CYSLTR2: variants seen among roughly 807,000 people sequenced by gnomAD.
CYSLTR2 encodes cysteinyl leukotriene receptor 2.
For synonymous variants in CYSLTR2, 179 were observed against 160.8 expected, an observed-to-expected ratio of 1.11 and a Z score of -0.86; for missense variants, 398 against 411.9, an observed-to-expected ratio of 0.97 and a Z score of 0.29.
rs758636935 is a variant in CYSLTR2 at position 48,710,495 on chromosome 13, A to G, written c.*2637A>G. 5.3e-5 allele frequency: 8 copies of G among 152,236 alleles called. No homozygotes were observed. The highest frequency in any genetic ancestry group is 1.0e-4 in the Non-Finnish European group (7 of 68,032). The allele number at this position is 152,236 out of a possible 1,614,324, so 9.4% of individuals were successfully genotyped here. A position where few individuals can be genotyped will look rare whatever the true frequency, so the allele number is the denominator to read the frequency against. On this transcript the variant is annotated 3_prime_UTR_variant, in exon 5 of 5. Transcript: ENST00000682523. ...AGCATAAGAGTAGTGATGCTGGCAA[A>G]TAAGATACACCAAAGAGAAGCTGTA... is the stretch of plus-strand genomic sequence containing the variant.
intron 1 of CYSLTR2, among the ~76,000 whole-genome samples, chr13:48,670,723 C>T (rs529737862): frequency 6.6e-6 from 1 of 152,152 alleles, no homozygotes; most frequent in Non-Finnish European, 1.5e-5. Context: ...ATGCCTCCAG[C>T]TTTGTTCTTT....
rs116932219 is a variant in CYSLTR2, at chr13:48,707,125, A to G, written c.308A>G (p.Asn103Ser). The G allele has an allele frequency of 6.3e-3, 10,198 of 1,614,190 alleles. 50 individuals carry two copies. The highest frequency in any genetic ancestry group is 0.016 in the Middle Eastern group (99 of 6,062). Reference sequence around the variant, plus strand: ...GCTGACTATTATCTTAGAGGCTCCAATTGGATATTTGGAGACCTGGCCTGC... The same window carrying G: ...GCTGACTATTATCTTAGAGGCTCCAGTTGGATATTTGGAGACCTGGCCTGC... ...FRADYYLRGS[N>S]WIFGDLACRI... Residue 103 changes from asparagine (N) to serine (S), a missense_variant, in exon 5 of 5, where the codon AAT becomes AGT. Transcript: ENST00000682523.
chr13:48,678,041 C>T (rs1481112898), intron 1 of CYSLTR2, among the ~76,000 whole-genome samples: 1 of 151,912 alleles, frequency 6.6e-6, no homozygotes, highest in East Asian at 1.9e-4. Context: ...TTCTCCATAC[C>T]AAGGAATTGG....
In CYSLTR2 at chr13:48,676,482, T is replaced by C. The variant is rs146892820; in HGVS notation, c.-265-14730T>C. Among the ~76,000 whole-genome samples, 741 of 152,258 alleles carry C rather than the reference T, an allele frequency of 4.9e-3. 3 individuals carry two copies. Among genetic ancestry groups the C allele is most frequent in the Middle Eastern group, 0.014 (4 of 294 alleles). On this transcript the variant is annotated intron_variant, in intron 1 of 4. Transcript: ENST00000682523. ...GGTTTCTAGGCATCAGCTAACAAAG[T>C]CTGAGGTTAGGAAAGTGATATTGTA...
intron 1 of CYSLTR2, among the ~76,000 whole-genome samples, chr13:48,666,138 CCTCTT>C (rs1390063995): frequency 6.6e-6 from 1 of 152,072 alleles, no homozygotes; most frequent in Non-Finnish European, 1.5e-5. Flanking sequence ...GATTTTATCT[CCTCTT>C]CATTTCGGAA....
chr13:48,686,930 G>A (rs78149855), intron 1 of CYSLTR2, among the ~76,000 whole-genome samples: 14,228 of 152,238 alleles, frequency 0.093, 762 homozygotes, highest in Middle Eastern at 0.17. Context: ...GTCTGTGAGG[G>A]TGTTTCCAGA....
intron 1 of CYSLTR2, among the ~76,000 whole-genome samples, chr13:48,676,452 G>A (rs1953598704): frequency 6.6e-6 from 1 of 152,200 alleles, no homozygotes; most frequent in Admixed American, 6.5e-5. Context: ...AACAGATGAT[G>A]CTATGGTTTC....
chr13:48,683,411 TA>T (rs1427515049), intron 1 of CYSLTR2, among the ~76,000 whole-genome samples: 1 of 152,234 alleles, frequency 6.6e-6, no homozygotes, highest in African/African-American at 2.4e-5. Context: ...GACTTTTTAA[TA>T]ATAGCCATTC....
At chr13:48,706,647 G>A (rs1954495954) in intron 4 of CYSLTR2, 170 bp from the exon 5 acceptor site, 1 of 579,010 alleles carries the variant, frequency 1.7e-6, no homozygotes, top group East Asian at 2.8e-5. Flanking sequence ...ATTATGAAAT[G>A]TAATGCAGCA....
At chr13:48,703,429 T>C (rs1350814708) in intron 4 of CYSLTR2, among the ~76,000 whole-genome samples, 4 of 152,216 alleles carry the variant, frequency 2.6e-5, no homozygotes, top group African/African-American at 9.6e-5. Context: ...TCTTTTACTA[T>C]GAAGTATAAT....
chr13:48,701,116 G>T (rs888835891), intron 4 of CYSLTR2, among the ~76,000 whole-genome samples: 20 of 152,158 alleles, frequency 1.3e-4, no homozygotes, highest in Non-Finnish European at 2.6e-4. Context: ...TTTCTTCACA[G>T]AATTGGAAAA....
chr13:48,707,344 G>C lies in CYSLTR2; in HGVS notation c.527G>C (p.Ser176Thr), dbSNP rs200258998. ...IMASSIMLLDSGSEQNGSVTS... is the reference protein window; with the variant it reads ...IMASSIMLLDTGSEQNGSVTS... ...GCTTCCTCAATAATGCTCCTGGACA[G>C]TGGCTCTGAGCAGAACGGCAGTGTC... Residue 176 changes from serine to threonine, a missense_variant, in exon 5 of 5, where the codon AGT becomes ACT. By Grantham distance (58) the Ser-to-Thr change is moderately conservative. Coordinates refer to ENST00000682523, the MANE Select transcript of CYSLTR2 (RefSeq NM_001308476.3). 14 of 1,614,112 alleles carry C rather than the reference G, an allele frequency of 8.7e-6. No homozygotes were observed. Among genetic ancestry groups the C allele is most frequent in the East Asian group, 2.2e-5 (1 of 44,880 alleles).
chr13:48,663,238 C>G (rs1206329754), intron 1 of CYSLTR2, among the ~76,000 whole-genome samples: 1 of 152,084 alleles, frequency 6.6e-6, no homozygotes, highest in African/African-American at 2.4e-5. Context: ...ATTTTGGTTA[C>G]TATAACTCTG....
chr13:48,708,199 A>T lies in CYSLTR2; in HGVS notation c.*341A>T, dbSNP rs1468321370. ...GCTTTCTAAATTCTTCAAAAGAGCCACAACTTCCCCAGCTTCTCCAGCTCC... is the reference window on the plus strand; with the variant it reads ...GCTTTCTAAATTCTTCAAAAGAGCCTCAACTTCCCCAGCTTCTCCAGCTCC... On this transcript the variant is annotated 3_prime_UTR_variant, in exon 5 of 5. Coordinates refer to ENST00000682523, the MANE Select transcript of CYSLTR2 (RefSeq NM_001308476.3). 1 of 193,966 alleles carries T rather than the reference A, an allele frequency of 5.2e-6. No individual in the cohort carries two copies. The highest frequency in any genetic ancestry group is 1.2e-5 in the Non-Finnish European group (1 of 85,584). The allele number at this position is 193,966 out of a possible 1,614,324, so 12.0% of individuals were successfully genotyped here.
intron 4 of CYSLTR2, among the ~76,000 whole-genome samples, chr13:48,700,994 A>G (rs927907180): frequency 3.8e-4 from 58 of 152,354 alleles, no homozygotes; most frequent in African/African-American, 9.1e-4. Context: ...CCACTGCTCA[A>G]TGAAATAAAA....
chr13:48,706,554 C>A lies in CYSLTR2; in HGVS notation c.-1-263C>A, dbSNP rs1158402576. 4.6e-5 allele frequency: 18 copies of A among 392,024 alleles called. No homozygotes were observed. In the East Asian group the frequency reaches 6.8e-4, roughly 15 times the overall value. 24.3% of individuals were successfully genotyped at this position (392,024 alleles called of 1,614,324 possible). A position where few individuals can be genotyped will look rare whatever the true frequency, so the allele number is the denominator to read the frequency against. ...TCATGTCAACAGGGTCAGTAGGTCA[C>A]AAGTTCTCTAAGTTTGAAGCGTCAG... On this transcript the variant is annotated intron_variant, in intron 4 of 4. Coordinates refer to ENST00000682523, the MANE Select transcript of CYSLTR2 (RefSeq NM_001308476.3).
At chr13:48,687,420 T>A (rs1242418280) in intron 1 of CYSLTR2, among the ~76,000 whole-genome samples, 1 of 152,162 alleles carries the variant, frequency 6.6e-6, no homozygotes, top group Non-Finnish European at 1.5e-5. Flanking sequence ...CATCTATCAA[T>A]CATCTATGTA....
intron 2 of CYSLTR2, among the ~76,000 whole-genome samples, chr13:48,692,312 A>G (rs1237088628): frequency 6.6e-6 from 1 of 152,036 alleles, no homozygotes; most frequent in Admixed American, 6.6e-5. Context: ...TATTTTATTG[A>G]CAAAAGAAAT....
intron 4 of CYSLTR2, among the ~76,000 whole-genome samples, chr13:48,703,891 G>T (rs934002194): frequency 3.9e-5 from 6 of 152,102 alleles, no homozygotes; most frequent in Non-Finnish European, 7.4e-5. Flanking sequence ...TTTCAATTGA[G>T]AATTTAATTT....
Sources: allele counts gnomAD v4.1 joint callset (sites outside exome capture counted in the v4.1 genomes callset), GRCh38; gene constraint gnomAD v4.1.1; transcripts MANE v1.5; gene names NCBI Gene and HGNC (gene_info 2026-07-23, HGNC 2026-07-21).